CEP89: variants seen among roughly 807,000 people sequenced by gnomAD.
CEP89 encodes centrosomal protein of 89 kDa.
In CEP89, 95 loss-of-function variants were observed where a neutral mutation model predicts 97.6. The observed-to-expected ratio is 0.97, with a 90% CI of 0.82 to 1.15. The LOEUF (loss-of-function observed/expected upper bound fraction) is 1.15, where lower values mean the gene tolerates loss of function less well. Among genes scored for constraint, CEP89 ranks in the 50% most tolerant of loss-of-function variants. The pLI is 0.00. For missense variants in CEP89, 869 were observed against 947.7 expected (o/e 0.92, Z 1.09); for synonymous variants, 354 against 349.1 (o/e 1.01, Z -0.16).
Position 32,948,322 on chromosome 19 carries a change from G to C in CEP89, c.539C>G (p.Ser180Cys), listed in dbSNP as rs1326155735. The stretch of plus-strand genomic sequence containing the variant: ...GGAGCCTGGAAACCCATCTTGATGA[G>C]AAATATTTTCATCGTCTTCACTGTT... ...EVNSEDDENI[S>C]HQDGFPGSPP... Residue 180 changes from serine to cysteine, a missense_variant, in exon 5 of 19, where the codon TCT becomes TGT. Ser to Cys is a moderately radical substitution (Grantham distance 112). Coordinates refer to ENST00000305768, the MANE Select transcript of CEP89 (RefSeq NM_032816.5). The C allele has an allele frequency of 2.5e-6, 4 of 1,611,318 alleles. No homozygotes were observed. In the African/African-American group the frequency reaches 4.0e-5, roughly 16 times the overall value.
chr19:32,953,865 A>AAC, intron 3 of CEP89, 64 bp from the exon 4 acceptor site: 1 of 977,764 alleles, frequency 1.0e-6, no homozygotes, highest in Non-Finnish European at 1.5e-6. Flanking sequence ...ACTGATAAAT[A>AAC]TCTTTTTTTT....
chr19:32,889,205 T>C (rs1599711415), intron 16 of CEP89, among the ~76,000 whole-genome samples: 2 of 152,180 alleles, frequency 1.3e-5, no homozygotes, highest in Non-Finnish European at 2.9e-5. Flanking sequence ...GGGGCTGGCC[T>C]AGGCACTCCC....
At chr19:32,953,479 C>T (rs999281205) in intron 4 of CEP89, 136 bp downstream of exon 4, 22 of 642,418 alleles carry the variant, frequency 3.4e-5, no homozygotes, top group South Asian at 3.2e-4. Context: ...AGGCTGGACA[C>T]GTTTAAAAAA....
chr19:32,926,139 G>T, intron 11 of CEP89, 51 bp downstream of exon 11: 2 of 1,272,930 alleles, frequency 1.6e-6, no homozygotes, highest in Non-Finnish European at 2.3e-6. Context: ...AATTTGAAGC[G>T]GTCCTATATT....
intron 3 of CEP89, among the ~76,000 whole-genome samples, chr19:32,957,199 A>T (rs1031127016): frequency 9.2e-5 from 14 of 151,622 alleles, no homozygotes; most frequent in African/African-American, 3.4e-4. Flanking sequence ...TTTTTATTGC[A>T]TCAATTGAGG....
Position 32,879,167 on chromosome 19 carries a change from A to G in CEP89, c.2347T>C (p.Cys783Arg), listed in dbSNP as rs779269653. ...ACCACGGGCTCCCGCAGATTCTAGC[A>G]GGTGGGGGCATGAGACTTCAGGTCA... The part of the protein sequence containing the change: ...SYDLKSHAPT[C>R] Residue 783 changes from cysteine to arginine, a missense_variant, in exon 19 of 19, where the codon TGC (cysteine) becomes CGC (arginine). By Grantham distance (180) the Cys-to-Arg change is radical (BLOSUM62 -3). Coordinates refer to ENST00000305768, the MANE Select transcript of CEP89 (RefSeq NM_032816.5). 3 of 1,606,160 alleles carry G rather than the reference A, an allele frequency of 1.9e-6. No homozygotes were observed. Among genetic ancestry groups the G allele is most frequent in the Non-Finnish European group, 2.6e-6 (3 of 1,175,080 alleles).
chr19:32,938,217 G>A (rs1970617099), intron 6 of CEP89, among the ~76,000 whole-genome samples: 1 of 152,120 alleles, frequency 6.6e-6, no homozygotes, highest in Admixed American at 6.5e-5. Flanking sequence ...CTGCCTTTCT[G>A]CACTGAGTTC....
chr19:32,952,614 G>T (rs1970945387), intron 4 of CEP89, among the ~76,000 whole-genome samples: 1 of 151,868 alleles, frequency 6.6e-6, no homozygotes, highest in African/African-American at 2.4e-5. Context: ...GTGAAAAAAA[G>T]AAAAAGGGGC....
intron 4 of CEP89, among the ~76,000 whole-genome samples, chr19:32,951,534 T>TATATATATATATACACACACACAC (rs1407110112): frequency 4.1e-5 from 5 of 122,038 alleles, no homozygotes; most frequent in African/African-American, 1.7e-4. Flanking sequence ...TATATATATA[T>TATATATATATATACACACACACAC]ACACACACAC....
intron 9 of CEP89, among the ~76,000 whole-genome samples, chr19:32,927,915 T>TTC: frequency 6.7e-6 from 1 of 149,328 alleles, no homozygotes; most frequent in African/African-American, 2.5e-5. Flanking sequence ...TTTTTTTTTT[T>TTC]TTTCTTTTTT....
At chr19:32,958,075 A>G (rs1344158821) in intron 3 of CEP89, among the ~76,000 whole-genome samples, 1 of 151,192 alleles carries the variant, frequency 6.6e-6, no homozygotes, top group Admixed American at 6.6e-5. Context: ...GGGTCAGACC[A>G]TCTCCTCTGA....
At chr19:32,881,729 G>T in intron 18 of CEP89, 115 bp downstream of exon 18, 1 of 1,017,130 alleles carries the variant, frequency 9.8e-7, no homozygotes, top group Non-Finnish European at 1.4e-6. Flanking sequence ...AGAGTAAAAT[G>T]TAGAAACAAA....
chr19:32,903,887 G>A (rs1969835147), intron 14 of CEP89, among the ~76,000 whole-genome samples: 1 of 152,206 alleles, frequency 6.6e-6, no homozygotes, highest in Non-Finnish European at 1.5e-5. Context: ...CTGGCCGGGT[G>A]TGGGGTCCCC....
chr19:32,880,988 G>A (rs964043818), intron 18 of CEP89, among the ~76,000 whole-genome samples: 4 of 152,162 alleles, frequency 2.6e-5, no homozygotes, highest in African/African-American at 9.7e-5. Context: ...GGAGGGGTGG[G>A]TGGGAGACCT....
chr19:32,962,421 G>A (rs999008548), intron 2 of CEP89, among the ~76,000 whole-genome samples: 38 of 152,174 alleles, frequency 2.5e-4, no homozygotes, highest in African/African-American at 8.9e-4. Flanking sequence ...TATCTTTACA[G>A]CAGTGTGAGA....
Position 32,882,978 on chromosome 19 carries a change from C to A in CEP89, c.1966-965G>T, listed in dbSNP as rs1232304221. Among the ~76,000 whole-genome samples the A allele has an allele frequency of 3.3e-5, 5 of 152,142 alleles. No individual in the cohort carries two copies. In the South Asian group the frequency reaches 6.2e-4, roughly 19 times the overall value. On this transcript the variant is annotated intron_variant, in intron 17 of 18. Transcript: ENST00000305768. ...GGTTCACATCATTCTCCTGCCTCAG[C>A]CTCCTCAGTAGCTGGGATTACAGGT...
chr19:32,902,010 C>CTCTCTCTG (rs1207481256), intron 14 of CEP89, among the ~76,000 whole-genome samples: 5,215 of 133,730 alleles, frequency 0.039, 114 homozygotes, highest in South Asian at 0.1. Context: ...CTCTCTCTCT[C>CTCTCTCTG]TGTGTGTGTG....
At position 32,881,984 on chromosome 19, in the gene CEP89, C is replaced by CAG; in HGVS notation, c.1993_1994dup (p.Gly666TrpfsTer33). 1 of 1,582,904 alleles carries CAG rather than the reference C, an allele frequency of 6.3e-7. No individual in the cohort carries two copies. Among genetic ancestry groups the CAG allele is most frequent in the South Asian group, 1.1e-5 (1 of 87,030 alleles). On this transcript the variant is annotated frameshift_variant, in exon 18 of 19. Transcript: ENST00000305768. LOFTEE classifies it high-confidence loss of function. ...CCAGCAGACGGTGACTGATGTCCCC[C>CAG]AGCTTCAGTGCTGCCTGCTTCTTGT...
chr19:32,936,554 C>T lies in CEP89; in HGVS notation c.667+1077G>A, dbSNP rs2145935081. ...GGAACTTATGGTGCCTTTTCCAGGCCCACCCATGGCCACCCATGGACCAAT... is the reference window on the plus strand; with the variant it reads ...GGAACTTATGGTGCCTTTTCCAGGCTCACCCATGGCCACCCATGGACCAAT... On this transcript the variant is annotated intron_variant, in intron 7 of 18. Transcript: ENST00000305768. This position sits in a 1 kb window ranked among gnomAD's most constrained non-coding sequence, Gnocchi z 4.5. Among the ~76,000 whole-genome samples, 1 of 152,212 alleles carries T rather than the reference C, an allele frequency of 6.6e-6. No homozygotes were observed. Among genetic ancestry groups the T allele is most frequent in the East Asian group, 1.9e-4 (1 of 5,170 alleles).
Sources: gnomAD v4.1 joint callset for allele counts (sites outside exome capture counted in the v4.1 genomes callset) on GRCh38, gnomAD v4.1.1 for gene constraint, Gnocchi (gnomAD v3.1) non-coding constraint, MANE v1.5 for transcripts, NCBI Gene and HGNC (gene_info 2026-07-23, HGNC 2026-07-21) for gene names.